The following GLIS3 variants were observed in gnomAD, a reference collection of about 807,000 sequenced individuals.
The protein encoded by GLIS3 is zinc finger protein GLIS3.
Under a neutral mutation model 78.6 loss-of-function variants are expected in GLIS3, and 53 were observed. The ratio of observed to expected loss-of-function variants is 0.67; its 90% CI spans 0.54 to 0.85. The LOEUF (loss-of-function observed/expected upper bound fraction) is 0.85, where lower values mean the gene tolerates loss of function less well. Among genes scored for constraint, GLIS3 ranks in the 40% least tolerant of loss-of-function variants. The pLI, the probability that GLIS3 is intolerant of heterozygous loss-of-function variation, is 0.00. For missense variants in GLIS3, 1,703 were observed against 1,231.1 expected (o/e 1.38, Z -5.74); for synonymous variants, 684 against 509.9 (o/e 1.34, Z -4.60).
the GLIS3 span, among the ~76,000 whole-genome samples, chr9:4,420,433 G>C: frequency 3.4e-4 from 51 of 152,174 alleles, no homozygotes; most frequent in South Asian, 2.1e-4. Context: ...CAAGCATCTT[G>C]AACCTCAAAC....
At chr9:4,338,208 C>T (rs75349188) in intron 2 of GLIS3, among the ~76,000 whole-genome samples, 3,417 of 152,216 alleles carry the variant, frequency 0.022, 142 homozygotes, top group African/African-American at 0.078. Flanking sequence ...TTTGCTGCTG[C>T]TATGTGTTGG....
the GLIS3 span, among the ~76,000 whole-genome samples, chr9:4,487,647 A>G: frequency 9.9e-5 from 15 of 151,614 alleles, no homozygotes; most frequent in Admixed American, 3.3e-4. Flanking sequence ...ATACTGCCCT[A>G]TCTACAACTG....
intron 2 of GLIS3, among the ~76,000 whole-genome samples, chr9:4,200,771 G>A (rs373007008): frequency 6.6e-6 from 1 of 152,180 alleles, no homozygotes; most frequent in East Asian, 1.9e-4. Context: ...AAGAAGAGCT[G>A]ATAATAATCC....
the GLIS3 span, among the ~76,000 whole-genome samples, chr9:4,443,107 T>C: frequency 7.6e-3 from 1,163 of 152,250 alleles, 23 homozygotes; most frequent in African/African-American, 0.027. Flanking sequence ...TTATGAAACA[T>C]TGAGTCCCAT....
In GLIS3 at chr9:3,827,800, A is replaced by G. The variant is rs1434263910; in HGVS notation, c.*472T>C. 8.8e-6 allele frequency: 2 copies of G among 226,334 alleles called. No homozygotes were observed. The highest frequency in any genetic ancestry group is 1.8e-5 in the Non-Finnish European group (2 of 113,266). The allele number at this position is 226,334 out of a possible 1,614,324, so 14.0% of individuals were successfully genotyped here. ...GTTGAGACCACACTATGCTTTGGAC[A>G]TGGATTTCCCTTGTTGTGCCTGGCT... is the stretch of plus-strand genomic sequence containing the variant. On this transcript the variant is annotated 3_prime_UTR_variant, in exon 11 of 11. Coordinates refer to ENST00000381971, the MANE Select transcript of GLIS3 (RefSeq NM_001042413.2).
At chr9:4,397,089 G>A in the GLIS3 span, among the ~76,000 whole-genome samples, 6 of 138,294 alleles carry the variant, frequency 4.3e-5, no homozygotes, top group African/African-American at 1.2e-4. Context: ...GCAGTGGCGC[G>A]ATCTTGGCTC....
chr9:4,138,496 G>C (rs1227243894), intron 2 of GLIS3, among the ~76,000 whole-genome samples: 4 of 152,218 alleles, frequency 2.6e-5, no homozygotes, highest in Non-Finnish European at 5.9e-5. Flanking sequence ...GTAGAGGAGT[G>C]AGACTTCATC....
chr9:3,979,621 C>G (rs1193921701), intron 4 of GLIS3, among the ~76,000 whole-genome samples: 1 of 152,088 alleles, frequency 6.6e-6, no homozygotes, highest in Non-Finnish European at 1.5e-5. Flanking sequence ...AGGGCCTTTC[C>G]CTGTGTCCCC....
At chr9:4,215,407 G>T (rs1820737188) in intron 2 of GLIS3, among the ~76,000 whole-genome samples, 1 of 151,998 alleles carries the variant, frequency 6.6e-6, no homozygotes, top group African/African-American at 2.4e-5. Context: ...AGTTGGAGAG[G>T]AAGTTCCCCT....
At chr9:4,368,933 A>C in the GLIS3 span, among the ~76,000 whole-genome samples, 1 of 152,152 alleles carries the variant, frequency 6.6e-6, no homozygotes, top group Non-Finnish European at 1.5e-5. Context: ...AATAATCTAA[A>C]CCTGGTTTAT....
At chr9:4,149,590 A>G (rs1834509601) in intron 2 of GLIS3, among the ~76,000 whole-genome samples, 1 of 152,258 alleles carries the variant, frequency 6.6e-6, no homozygotes, top group Non-Finnish European at 1.5e-5. Context: ...TGTAGGTACC[A>G]TAAATGGTGT....
At chr9:4,385,727 G>GAAAGAAAGAAAAAGAAAGAA in the GLIS3 span, among the ~76,000 whole-genome samples, 1 of 41,072 alleles carries the variant, frequency 2.4e-5, no homozygotes, top group Non-Finnish European at 4.7e-5. Context: ...GAGAGAGAAA[G>GAAAGAAAGAAAAAGAAAGAA]AAAGAAAGAA....
chr9:4,114,708 G>C (rs1831497291), intron 4 of GLIS3, among the ~76,000 whole-genome samples: 1 of 152,008 alleles, frequency 6.6e-6, no homozygotes, highest in East Asian at 1.9e-4. Context: ...TGTCTACAGA[G>C]GCCTTTACTT....
At chr9:4,426,126 T>C in the GLIS3 span, among the ~76,000 whole-genome samples, 5 of 152,182 alleles carry the variant, frequency 3.3e-5, no homozygotes, top group Non-Finnish European at 5.9e-5. Context: ...AGCCCCCAGG[T>C]TAAGAAGCCT....
chr9:3,895,851 C>T (rs1351625786), intron 7 of GLIS3, among the ~76,000 whole-genome samples: 1 of 152,314 alleles, frequency 6.6e-6, no homozygotes, highest in East Asian at 1.9e-4. Context: ...GTGCTCAATG[C>T]CAAATTTAAC....
At chr9:4,483,508 A>T in the GLIS3 span, among the ~76,000 whole-genome samples, 1 of 152,060 alleles carries the variant, frequency 6.6e-6, no homozygotes, top group East Asian at 1.9e-4. Context: ...TCACGAGGTC[A>T]GGAGTTTGAG....
At chr9:3,859,596 C>T (rs1441402523) in intron 8 of GLIS3, among the ~76,000 whole-genome samples, 2 of 152,144 alleles carry the variant, frequency 1.3e-5, no homozygotes, top group East Asian at 1.9e-4. Context: ...ATCAAGATGA[C>T]ATCACTCCCA....
chr9:4,369,567 G>C, the GLIS3 span, among the ~76,000 whole-genome samples: 1 of 152,178 alleles, frequency 6.6e-6, no homozygotes, highest in African/African-American at 2.4e-5. Context: ...AGAAGACTCA[G>C]GTGTAGTCCT....
chr9:4,446,716 A>G, the GLIS3 span, among the ~76,000 whole-genome samples: 1 of 150,660 alleles, frequency 6.6e-6, no homozygotes, highest in South Asian at 2.1e-4. Flanking sequence ...GGTTTCACCA[A>G]GTTGGCCAGA....
Sources: gnomAD v4.1 joint callset for allele counts (sites outside exome capture counted in the v4.1 genomes callset) on GRCh38, gnomAD v4.1.1 for gene constraint, MANE v1.5 for transcripts, NCBI Gene and HGNC (gene_info 2026-07-23, HGNC 2026-07-21) for gene names.